The following CNGB1 variants were observed in gnomAD, a reference collection of about 807,000 sequenced individuals.
CNGB1 encodes cyclic nucleotide-gated channel beta-1.
CNGB1 carries 126 observed loss-of-function variants against 151.7 expected under a neutral mutation model. The observed-to-expected ratio is 0.83, with a 90% CI of 0.72 to 0.96. CNGB1 has a LOEUF of 0.96. CNGB1 is among the 40% of genes least tolerant of loss of function. CNGB1 has a pLI of 0.00. For synonymous variants in CNGB1, 623 were observed against 635.1 expected (o/e 0.98, Z 0.29); for missense variants, 1,698 against 1,627.0 (o/e 1.04, Z -0.75).
At chr16:57,945,164 C>T (rs1280152479) in intron 14 of CNGB1, among the ~76,000 whole-genome samples, 2 of 152,106 alleles carry the variant, frequency 1.3e-5, no homozygotes, top group Admixed American at 1.3e-4. Flanking sequence ...GATACTGCAT[C>T]ACTGACCCCA....
intron 4 of CNGB1, chr16:57,963,791 C>A: frequency 2.9e-6 from 1 of 346,614 alleles, no homozygotes; most frequent in Non-Finnish European, 5.4e-6. Context: ...TCACATTGCC[C>A]TGCCCTCAAG....
chr16:57,952,301 G>A (rs142392752), intron 12 of CNGB1, among the ~76,000 whole-genome samples: 34 of 152,240 alleles, frequency 2.2e-4, no homozygotes, highest in African/African-American at 7.2e-4. Context: ...CCTGACTCCC[G>A]TTTTCCCAGT....
At chr16:57,950,781 C>T (rs1264897824) in intron 12 of CNGB1, among the ~76,000 whole-genome samples, 1 of 152,246 alleles carries the variant, frequency 6.6e-6, no homozygotes, top group Non-Finnish European at 1.5e-5. Context: ...CCTCTTGAGA[C>T]AGAGCTTTGA....
chr16:57,902,978 T>C (rs75449130), intron 27 of CNGB1, among the ~76,000 whole-genome samples: 1 of 152,076 alleles, frequency 6.6e-6, no homozygotes, highest in South Asian at 2.1e-4. Flanking sequence ...GGCAGTGACA[T>C]GCCCGTAGTC....
chr16:57,960,610 C>G, intron 8 of CNGB1, 80 bp from the exon 9 acceptor site: 4 of 1,573,150 alleles, frequency 2.5e-6, no homozygotes, highest in Non-Finnish European at 3.5e-6. Flanking sequence ...CAGCTGTGTC[C>G]TGGCCCAAGG....
At chr16:57,938,468 G>A (rs1295844388) in intron 16 of CNGB1, among the ~76,000 whole-genome samples, 1 of 152,184 alleles carries the variant, frequency 6.6e-6, no homozygotes, top group Non-Finnish European at 1.5e-5. Context: ...ACAGTTTGGG[G>A]TGCCTTGGAC....
intron 14 of CNGB1, among the ~76,000 whole-genome samples, chr16:57,946,175 C>A (rs1961804118): frequency 6.6e-6 from 1 of 152,192 alleles, no homozygotes; most frequent in East Asian, 1.9e-4. Context: ...CCTGGAGACA[C>A]CCTCCGGCTT....
At position 57,911,877 on chromosome 16, in the gene CNGB1, T is replaced by A; in HGVS notation, c.2370-2A>T. The A allele has an allele frequency of 6.2e-7, 1 of 1,613,290 alleles. No homozygotes were observed. The highest frequency in any genetic ancestry group is 8.5e-7 in the Non-Finnish European group (1 of 1,179,514). On this transcript the variant is annotated splice_acceptor_variant, in intron 24 of 32. Transcript: ENST00000251102. LOFTEE classifies it high-confidence loss of function. ...AGGTAGGCTGTGGTCCTGATGACCC[T>A]GCAGAAGGAACACAGCGCATGAACA...
intron 31 of CNGB1, among the ~76,000 whole-genome samples, chr16:57,889,651 T>C (rs751508602): frequency 6.6e-6 from 1 of 152,184 alleles, no homozygotes; most frequent in Admixed American, 6.5e-5. Flanking sequence ...ACTCTCTCAT[T>C]TAAGTCTCAC....
intron 2 of CNGB1, among the ~76,000 whole-genome samples, chr16:57,965,837 TCATGTA>T (rs1480608597): frequency 1.3e-5 from 2 of 152,178 alleles, no homozygotes; most frequent in Admixed American, 1.3e-4. Flanking sequence ...ATACATGCAT[TCATGTA>T]CATATACATG....
At chr16:57,903,766 ACC>A (rs1567369210) in intron 27 of CNGB1, 54 bp downstream of exon 27, 3 of 1,603,024 alleles carry the variant, frequency 1.9e-6, no homozygotes, top group African/African-American at 1.3e-5. Flanking sequence ...GGCACCGGGC[ACC>A]AGGCGACAGG....
intron 31 of CNGB1, among the ~76,000 whole-genome samples, chr16:57,895,568 T>TAC (rs1960201704): frequency 6.7e-6 from 1 of 149,336 alleles, no homozygotes; most frequent in South Asian, 2.1e-4. Context: ...TATATATATA[T>TAC]TTGTACTTAT....
chr16:57,897,947 A>G (rs1407213537), intron 29 of CNGB1, 33 bp from the exon 30 acceptor site: 1 of 1,608,674 alleles, frequency 6.2e-7, no homozygotes, highest in South Asian at 1.1e-5. Flanking sequence ...CCCTCTGTTC[A>G]TCCCCCAAAG....
chr16:57,888,529 C>T (rs895374770), intron 31 of CNGB1, among the ~76,000 whole-genome samples: 3 of 151,966 alleles, frequency 2.0e-5, no homozygotes, highest in African/African-American at 7.3e-5. Flanking sequence ...AGTGTAGTGG[C>T]GTGATCATGG....
intron 30 of CNGB1, 91 bp downstream of exon 30, chr16:57,897,705 T>C: frequency 6.5e-7 from 1 of 1,527,940 alleles, no homozygotes; most frequent in Non-Finnish European, 9.1e-7. Flanking sequence ...GTGCTGCATC[T>C]ACCAAGCCGT....
At chr16:57,955,316 C>T in intron 12 of CNGB1, 1 of 1,551,810 alleles carries the variant, frequency 6.4e-7, no homozygotes, top group South Asian at 1.2e-5. Context: ...TCCATCTGAG[C>T]TCTCCCAGAT....
intron 17 of CNGB1, among the ~76,000 whole-genome samples, chr16:57,924,713 G>A (rs1013108569): frequency 1.3e-4 from 20 of 152,162 alleles, no homozygotes; most frequent in Middle Eastern, 3.2e-3. Context: ...GGTGGGGCTT[G>A]GTGGACGTGA....
Position 57,903,921 on chromosome 16 carries a change from T to G in CNGB1, c.2695A>C (p.Ser899Arg), listed in dbSNP as rs1249610249. The G allele has an allele frequency of 1.2e-6, 2 of 1,614,122 alleles. No individual in the cohort carries two copies. Among genetic ancestry groups the G allele is most frequent in the Admixed American group, 3.3e-5 (2 of 60,024 alleles). The change falls in exon 27 of 33, where the codon AGC (serine) becomes CGC (arginine). Residue 899 changes from serine (S) to arginine (R), a missense_variant. Ser to Arg is a moderately radical substitution (Grantham distance 110). Transcript: ENST00000251102. ...TAGAAATTCATGTACTTCACCGTGC[T>G]GTCCATGCAGCTGCGGTAGTAGGTC... Reference protein sequence around the residue: ...GQTYYRSCMDSTVKYMNFYKI... With the variant: ...GQTYYRSCMDRTVKYMNFYKI...
chr16:57,953,494 A>C (rs1962010972), intron 12 of CNGB1, among the ~76,000 whole-genome samples: 1 of 52,980 alleles, frequency 1.9e-5, no homozygotes, highest in South Asian at 6.0e-4. Context: ...GCTCAATCTT[A>C]AAAAAAAAAA....
Sources: gnomAD v4.1 joint callset for allele counts (sites outside exome capture counted in the v4.1 genomes callset) on GRCh38, gnomAD v4.1.1 for gene constraint, MANE v1.5 for transcripts, NCBI Gene and HGNC (gene_info 2026-07-23, HGNC 2026-07-21) for gene names.